MRC2: variants seen among roughly 807,000 people sequenced by gnomAD.
MRC2 encodes the protein C-type mannose receptor 2.
A neutral mutation model predicts 206.2 loss-of-function variants in MRC2; 84 were observed. That is an observed-to-expected ratio of 0.41 (90% CI 0.34 to 0.49). The LOEUF is 0.49. Ranked by LOEUF, MRC2 falls within the 20% of genes least tolerant of loss-of-function variation. The pLI is 0.31. For synonymous variants in MRC2, 798 were observed against 800.0 expected, an observed-to-expected ratio of 1.00 and a Z score of 0.04; for missense variants, 1,676 against 2,001.5, an observed-to-expected ratio of 0.84 and a Z score of 3.10.
At chr17:62,681,779 C>T (rs573318873) in intron 18 of MRC2, 58 bp from the exon 19 acceptor site, 15 of 1,380,514 alleles carry the variant, frequency 1.1e-5, no homozygotes, top group Middle Eastern at 3.8e-4. Flanking sequence ...TTGCTGCATC[C>T]GGTGGAGGCC....
rs1357359440 is a variant in MRC2, at chr17:62,678,615, T to G, written c.2164T>G (p.Phe722Val). The G allele has an allele frequency of 3.1e-6, 5 of 1,611,774 alleles. No individual in the cohort carries two copies. The highest frequency in any genetic ancestry group is 1.1e-5 in the South Asian group (1 of 90,868). Residue 722 changes from phenylalanine to valine, a missense_variant, in exon 13 of 30, where the codon TTT becomes GTT. Phe to Val is a conservative substitution (Grantham distance 50). Around this residue, in one of 3 missense-constraint regions of MRC2, gnomAD observed 1,354 missense variants for 1,636.6 expected, o/e 0.83. Transcript: ENST00000303375. ...CCTGGCCAGCTACGAGGAGGAGCAC[T>G]TTGTGGCCAACATGCTCAACAAGAT... ...LSLASYEEEH[F>V]VANMLNKIFG...
At position 62,692,076 on chromosome 17, in the gene MRC2, T is replaced by G. The variant is rs781494376; in HGVS notation, c.4193-36T>G. On this transcript the variant is annotated intron_variant, in intron 28 of 29. Coordinates refer to ENST00000303375, the MANE Select transcript of MRC2 (RefSeq NM_006039.5). The surrounding 1 kb of genome is among the most constrained non-coding windows in gnomAD (Gnocchi z 4.2). ...CTTAAGTGATTATTACGATGATCAC[T>G]GCTATTATTAACTGGCCCCCTCCTC... 1 of 1,614,060 alleles carries G rather than the reference T, an allele frequency of 6.2e-7. No homozygotes were observed. The highest frequency in any genetic ancestry group is 1.7e-5 in the Admixed American group (1 of 60,020).
chr17:62,684,278 T>C (rs891465943), intron 20 of MRC2, among the ~76,000 whole-genome samples: 15 of 152,232 alleles, frequency 9.9e-5, no homozygotes, highest in African/African-American at 3.6e-4. Flanking sequence ...TCCCCATTTT[T>C]AGTCCTTCTA....
intron 1 of MRC2, chr17:62,661,568 CCT>C (rs2088681690): frequency 8.3e-6 from 1 of 120,540 alleles, no homozygotes; most frequent in African/African-American, 3.2e-5. Context: ...CTTTCTCCTT[CCT>C]TCCTTCATTC....
chr17:62,632,730 A>G (rs541025502), intron 1 of MRC2, among the ~76,000 whole-genome samples: 3 of 152,284 alleles, frequency 2.0e-5, no homozygotes, highest in African/African-American at 7.2e-5. Context: ...ACGAGAGACA[A>G]GCACACAGAC....
intron 1 of MRC2, among the ~76,000 whole-genome samples, chr17:62,641,563 G>C (rs2088404418): frequency 6.6e-6 from 1 of 152,144 alleles, no homozygotes; most frequent in African/African-American, 2.4e-5. Context: ...AAGTATGTAA[G>C]GGCATTGATG....
In MRC2 at chr17:62,690,246, ATTC is replaced by A; in HGVS notation, c.3836_3838del (p.Ser1279del). ...TGGATTCCCTTCCGGGAGCACTGCT[ATTC>A]TTTCCACATGGAGCTGCTGCTGGGC... On this transcript the variant is annotated inframe_deletion, in exon 26 of 30. Coordinates refer to ENST00000303375, the MANE Select transcript of MRC2 (RefSeq NM_006039.5). The A allele has an allele frequency of 6.2e-7, 1 of 1,613,348 alleles. No homozygotes were observed. Among genetic ancestry groups the A allele is most frequent in the Non-Finnish European group, 8.5e-7 (1 of 1,179,638 alleles).
At position 62,671,958 on chromosome 17, in the gene MRC2, T is replaced by G; in HGVS notation, c.1307-40T>G. ...CCTACTGGTGGCTGAGGCTGACCTC[T>G]CAATGTTTTCTCTCCCCTCCTCTCC... is the stretch of plus-strand genomic sequence containing the variant. On this transcript the variant is annotated intron_variant, in intron 7 of 29. Transcript: ENST00000303375. This position sits in a 1 kb window ranked among gnomAD's most constrained non-coding sequence, Gnocchi z 4.5. 4 of 1,613,758 alleles carry G rather than the reference T, an allele frequency of 2.5e-6. No homozygotes were observed. Among genetic ancestry groups the G allele is most frequent in the Non-Finnish European group, 3.4e-6 (4 of 1,179,764 alleles).
chr17:62,640,017 CTTTTTT>C (rs56703312), intron 1 of MRC2, among the ~76,000 whole-genome samples: 9 of 74,350 alleles, frequency 1.2e-4, no homozygotes, highest in African/African-American at 2.8e-4. Flanking sequence ...CCATGCCCAG[CTTTTTT>C]TTTTTTTTTT....
intron 1 of MRC2, among the ~76,000 whole-genome samples, chr17:62,628,703 A>C (rs2084191035): frequency 6.6e-6 from 1 of 152,088 alleles, no homozygotes; most frequent in East Asian, 1.9e-4. Context: ...AAAACCCCAA[A>C]ACTGTGCCAT....
intron 20 of MRC2, chr17:62,684,139 CA>C (rs2089004807): frequency 6.6e-6 from 1 of 152,202 alleles, no homozygotes; most frequent in Non-Finnish European, 1.5e-5. Context: ...TCATGACTCA[CA>C]GGTCTAACGT....
intron 1 of MRC2, among the ~76,000 whole-genome samples, chr17:62,630,509 T>C (rs2084207685): frequency 6.6e-6 from 1 of 152,176 alleles, no homozygotes; most frequent in African/African-American, 2.4e-5. Flanking sequence ...GGCTGGGCTC[T>C]TCTGGGGATG....
intron 20 of MRC2, among the ~76,000 whole-genome samples, chr17:62,684,197 A>G (rs1039249463): frequency 1.3e-5 from 2 of 152,256 alleles, no homozygotes; most frequent in Non-Finnish European, 2.9e-5. Flanking sequence ...TGGTGGCTAT[A>G]GATTAAATAT....
intron 1 of MRC2, among the ~76,000 whole-genome samples, chr17:62,633,131 G>A (rs776215060): frequency 3.9e-5 from 6 of 152,160 alleles, no homozygotes; most frequent in Non-Finnish European, 7.3e-5. Context: ...GATCATGAAC[G>A]TATGAGATAT....
Position 62,654,117 on chromosome 17 carries a change from T to TCCCTGGGATGACC in MRC2, c.119-10428_119-10416dup, listed in dbSNP as rs538318589. On this transcript the variant is annotated intron_variant, in intron 1 of 29. Coordinates refer to ENST00000303375, the MANE Select transcript of MRC2 (RefSeq NM_006039.5). ...GGCCCTTTCAGGCGGCCTCTGGCTCTCCCTGGGATGACCCCTCGCCTCTGC... is the reference window on the plus strand; with the variant it reads ...GGCCCTTTCAGGCGGCCTCTGGCTCTCCCTGGGATGACCCCCTGGGATGACCCCTCGCCTCTGC... Among the ~76,000 whole-genome samples the TCCCTGGGATGACC allele has an allele frequency of 6.3e-3, 965 of 152,168 alleles. 12 individuals carry two copies. The highest frequency in any genetic ancestry group is 0.022 in the African/African-American group (914 of 41,542).
rs1288565994 is a variant in MRC2 at position 62,675,903 on chromosome 17, C to T, written c.1683C>T (p.Asn561=). The change falls in exon 10 of 30, where the codon AAC becomes AAT. Residue 561 remains asparagine, a splice_region_variant and synonymous_variant. Transcript: ENST00000303375. This position sits in a 1 kb window ranked among gnomAD's most constrained non-coding sequence, Gnocchi z 4.1. ...GCTCTCAGCTGGTCACCATCACCAACAGGTACAGCAGGGGCGGGTGCCCTG... is the reference window on the plus strand; with the variant it reads ...GCTCTCAGCTGGTCACCATCACCAATAGGTACAGCAGGGGCGGGTGCCCTG... ...DHGSQLVTIT[N]RFEQAFVSSL... 6.2e-7 allele frequency: 1 copy of T among 1,613,768 alleles called. No homozygotes were observed. Among genetic ancestry groups the T allele is most frequent in the Non-Finnish European group, 8.5e-7 (1 of 1,179,714 alleles).
chr17:62,671,588 T>G lies in MRC2; in HGVS notation c.1118-61T>G. The G allele has an allele frequency of 6.8e-7, 1 of 1,480,998 alleles. No individual in the cohort carries two copies. The highest frequency in any genetic ancestry group is 9.0e-7 in the Non-Finnish European group (1 of 1,108,274). The allele number at this position is 1,480,998 out of a possible 1,614,324, so 91.7% of individuals were successfully genotyped here. On this transcript the variant is annotated intron_variant, in intron 6 of 29. Transcript: ENST00000303375. This position sits in a 1 kb window ranked among gnomAD's most constrained non-coding sequence, Gnocchi z 4.5. ...CTCGCCTGTGTTGACGTCAACCCAG[T>G]GGGTTGGTTCCCAGACTGGGCGGCT...
rs529614498 is a variant in MRC2, at chr17:62,679,986, G to A, written c.2298+84G>A. 4 of 1,456,330 alleles carry A rather than the reference G, an allele frequency of 2.7e-6. No homozygotes were observed. The South Asian group carries it at 3.9e-5, about 14-fold the overall frequency. The allele number at this position is 1,456,330 out of a possible 1,614,324, so 90.2% of individuals were successfully genotyped here. On this transcript the variant is annotated intron_variant, in intron 14 of 29. Transcript: ENST00000303375. ...TTTGGGGCGGGGCCTGGAGGTGGGC[G>A]GGTTTTCTTGAGGGCCGGGCCCCCA...
rs189338571 is a variant in MRC2 at position 62,683,828 on chromosome 17, G to T, written c.2946+1451G>T. 41 of 151,370 alleles carry T rather than the reference G, an allele frequency of 2.7e-4. 1 individual carries two copies. The highest frequency in any genetic ancestry group is 9.7e-4 in the African/African-American group (40 of 41,274). The allele number at this position is 151,370 out of a possible 1,614,324, so 9.4% of individuals were successfully genotyped here. On this transcript the variant is annotated intron_variant, in intron 20 of 29. Transcript: ENST00000303375. ...TTCAATGAGCCATGGTCATGCCACT[G>T]TATACCACCCTGGGTAATGGAGTGA...
Sources: allele counts gnomAD v4.1 joint callset (sites outside exome capture counted in the v4.1 genomes callset), GRCh38; gene constraint gnomAD v4.1.1; regional missense constraint gnomAD v4.1.1; non-coding constraint Gnocchi (gnomAD v3.1); transcripts MANE v1.5; gene names NCBI Gene and HGNC (gene_info 2026-07-23, HGNC 2026-07-21).